Variants in KANK1 observed in about 807,000 individuals in gnomAD.
The protein encoded by KANK1 is KN motif and ankyrin repeat domains 1, also known as KN motif and ankyrin repeat domain-containing protein 1.
Under a neutral mutation model 106.2 loss-of-function variants are expected in KANK1, and 109 were observed. The ratio of observed to expected loss-of-function variants is 1.03; its 90% CI spans 0.88 to 1.20. The LOEUF (loss-of-function observed/expected upper bound fraction) is 1.20, where lower values mean the gene tolerates loss of function less well. Among genes scored for constraint, KANK1 ranks in the 50% most tolerant of loss-of-function variants. The pLI is 0.00. For synonymous variants in KANK1, 873 were observed against 652.2 expected, an observed-to-expected ratio of 1.34 and a Z score of -5.16; for missense variants, 2,399 against 1,710.7, an observed-to-expected ratio of 1.40 and a Z score of -7.10.
chr9:612,306 A>C (rs1331728015), intron 1 of KANK1, among the ~76,000 whole-genome samples: 1 of 152,184 alleles, frequency 6.6e-6, no homozygotes, highest in East Asian at 1.9e-4. Context: ...GAGATAAGAA[A>C]GAGAAATTCA....
intron 1 of KANK1, among the ~76,000 whole-genome samples, chr9:569,951 C>T (rs532908804): frequency 4.9e-4 from 75 of 152,146 alleles, no homozygotes; most frequent in African/African-American, 1.8e-3. Flanking sequence ...TTTCTGTTTT[C>T]ATTCATTATA....
upstream of KANK1, among the ~76,000 whole-genome samples, chr9:501,245 C>G (rs895692257): frequency 1.3e-5 from 2 of 152,134 alleles, no homozygotes; most frequent in African/African-American, 4.8e-5. Flanking sequence ...CTTAAAAGTT[C>G]ATTTTTAAAT....
At chr9:688,490 C>T (rs1480912588) in intron 2 of KANK1, among the ~76,000 whole-genome samples, 1 of 151,830 alleles carries the variant, frequency 6.6e-6, no homozygotes, top group African/African-American at 2.4e-5. Flanking sequence ...CCTGTAATCC[C>T]AACTACTTGG....
rs76466226 is a variant in KANK1, at chr9:693,754, G to A, written c.37+16745G>A. On this transcript the variant is annotated intron_variant, in intron 2 of 11. Coordinates refer to ENST00000382297, the MANE Select transcript of KANK1 (RefSeq NM_015158.5). ...TTGCCTGAGACCTGGCTTCCTGCTCGCTGAAAATCACAGTTATTTTGTTTC... is the reference window on the plus strand; with the variant it reads ...TTGCCTGAGACCTGGCTTCCTGCTCACTGAAAATCACAGTTATTTTGTTTC... 8.6e-4 allele frequency: 849 copies of A among 985,282 alleles called. 8 individuals carry two copies. In the African/African-American group the frequency reaches 0.014, roughly 16 times the overall value. 61.0% of individuals were successfully genotyped at this position (985,282 alleles called of 1,614,324 possible). A position where few individuals can be genotyped will look rare whatever the true frequency, so the allele number is the denominator to read the frequency against.
chr9:515,282 T>C (rs1481878152), intron 1 of KANK1, among the ~76,000 whole-genome samples: 1 of 150,976 alleles, frequency 6.6e-6, no homozygotes, highest in Non-Finnish European at 1.5e-5. Context: ...GAGGCGGAGC[T>C]TGCAGTGAGC....
At chr9:642,676 C>T (rs1297596309) in intron 1 of KANK1, among the ~76,000 whole-genome samples, 1 of 150,622 alleles carries the variant, frequency 6.6e-6, no homozygotes, top group Non-Finnish European at 1.5e-5. Context: ...ACTTTTGTGG[C>T]AGGTAACTCT....
At chr9:592,890 C>G (rs925869808) in intron 1 of KANK1, among the ~76,000 whole-genome samples, 3 of 151,710 alleles carry the variant, frequency 2.0e-5, no homozygotes, top group Non-Finnish European at 4.4e-5. Flanking sequence ...TTGTGCAAAA[C>G]GTAAATGCAG....
At chr9:498,551 C>T (rs2058493373) in intron 3 of KANK1, among the ~76,000 whole-genome samples, 1 of 152,148 alleles carries the variant, frequency 6.6e-6, no homozygotes, top group East Asian at 1.9e-4. Context: ...ACTAGTATCA[C>T]TTATCAGATA....
At position 729,967 on chromosome 9, in the gene KANK1, T is replaced by G; in HGVS notation, c.2699-84T>G. Reference sequence around the variant, plus strand: ...CTGGGATAATAGTCCCATTTTAAATTATGAGTGGCAAGAATTGTTTTTGTT... The same window carrying G: ...CTGGGATAATAGTCCCATTTTAAATGATGAGTGGCAAGAATTGTTTTTGTT... On this transcript the variant is annotated intron_variant, in intron 3 of 11. Transcript: ENST00000382297. 5 of 1,150,536 alleles carry G rather than the reference T, an allele frequency of 4.3e-6. No homozygotes were observed. In the East Asian group the frequency reaches 1.7e-4, roughly 38 times the overall value. 71.3% of individuals were successfully genotyped at this position (1,150,536 alleles called of 1,614,324 possible). A position where few individuals can be genotyped will look rare whatever the true frequency, so the allele number is the denominator to read the frequency against.
chr9:481,851 A>AT (rs2058210379), intron 3 of KANK1, among the ~76,000 whole-genome samples: 1 of 149,124 alleles, frequency 6.7e-6, no homozygotes, highest in African/African-American at 2.4e-5. Flanking sequence ...CTCTAAAAAA[A>AT]AAAAATAAAG....
intron 3 of KANK1, among the ~76,000 whole-genome samples, chr9:478,979 G>A (rs1186028337): frequency 1.3e-5 from 2 of 149,416 alleles, no homozygotes; most frequent in African/African-American, 5.0e-5. Context: ...GCGCAGTGGT[G>A]CAATCTTGGC....
At chr9:632,839 G>A (rs918552304) in intron 1 of KANK1, among the ~76,000 whole-genome samples, 9 of 151,964 alleles carry the variant, frequency 5.9e-5, no homozygotes, top group African/African-American at 1.2e-4. Context: ...ACAGGCATGC[G>A]CCACCGCACC....
intron 1 of KANK1, among the ~76,000 whole-genome samples, chr9:536,475 T>A (rs545057963): frequency 1.3e-3 from 195 of 152,306 alleles, no homozygotes; most frequent in Non-Finnish European, 2.1e-3. Flanking sequence ...GGAGAATCTG[T>A]TTCCTTACTG....
At chr9:652,505 A>G (rs556929095) in intron 1 of KANK1, among the ~76,000 whole-genome samples, 129 of 152,328 alleles carry the variant, frequency 8.5e-4, no homozygotes, top group Non-Finnish European at 3.7e-4. Flanking sequence ...CCTGGGCGAC[A>G]AGAGCGAAAC....
intron 1 of KANK1, among the ~76,000 whole-genome samples, chr9:512,050 A>G (rs1266292363): frequency 6.6e-6 from 1 of 152,118 alleles, no homozygotes; most frequent in Non-Finnish European, 1.5e-5. Context: ...GAGTAGCTGG[A>G]ATGCTGGGCT....
chr9:575,720 A>C (rs1422643785), intron 1 of KANK1, among the ~76,000 whole-genome samples: 1 of 150,982 alleles, frequency 6.6e-6, no homozygotes, highest in African/African-American at 2.4e-5. Context: ...CAAGGAAAGA[A>C]TGGCTTAAGC....
In KANK1 at chr9:624,775, G is replaced by T. The variant is rs543823001; in HGVS notation, c.-83-52115G>T. 1.5e-3 allele frequency among the ~76,000 whole-genome samples: 234 copies of T among 152,202 alleles called. 2 individuals are homozygous for T. Among genetic ancestry groups the T allele is most frequent in the African/African-American group, 5.1e-3 (213 of 41,500 alleles). On this transcript the variant is annotated intron_variant, in intron 1 of 11. Transcript: ENST00000382297. ...GATCACGCCACTGTACCCCAGCCTG[G>T]GTGACAGAGCGAGACTCTGTCTCAA...
intron 1 of KANK1, among the ~76,000 whole-genome samples, chr9:642,764 C>T (rs113624621): frequency 1.4e-5 from 2 of 143,464 alleles, no homozygotes; most frequent in African/African-American, 5.3e-5. Flanking sequence ...TGCCTGTCAC[C>T]TTTTTTTTTT....
intron 1 of KANK1, among the ~76,000 whole-genome samples, chr9:673,325 T>G (rs1470030505): frequency 6.7e-6 from 1 of 149,426 alleles, no homozygotes; most frequent in Admixed American, 6.7e-5. Flanking sequence ...TTCTTGTGCC[T>G]CAGCCTCCCA....
Sources: gnomAD v4.1 joint callset for allele counts (sites outside exome capture counted in the v4.1 genomes callset) on GRCh38, gnomAD v4.1.1 for gene constraint, MANE v1.5 for transcripts, NCBI Gene and HGNC (gene_info 2026-07-23, HGNC 2026-07-21) for gene names.